The following DSCAM variants were observed in gnomAD, a reference collection of about 807,000 sequenced individuals.
DSCAM encodes the protein cell adhesion molecule DSCAM.
DSCAM carries 47 observed loss-of-function variants against 217.7 expected under a neutral mutation model. The observed-to-expected ratio is 0.22, with a 90% CI of 0.17 to 0.28. The LOEUF (loss-of-function observed/expected upper bound fraction) is 0.28. Among genes scored for constraint, DSCAM ranks in the 10% least tolerant of loss-of-function variants. The pLI, the probability that DSCAM is intolerant of heterozygous loss-of-function variation, is 1.00. For missense variants in DSCAM, 2,080 were observed against 2,618.3 expected (o/e 0.79, Z 4.49); for synonymous variants, 1,056 against 1,015.3 (o/e 1.04, Z -0.76).
At chr21:40,170,040 G>A (rs2090638675) in intron 15 of DSCAM, among the ~76,000 whole-genome samples, 1 of 152,144 alleles carries the variant, frequency 6.6e-6, no homozygotes, top group South Asian at 2.1e-4. Flanking sequence ...ACCCACCCTA[G>A]TAATTTTCTG....
At position 40,613,083 on chromosome 21, in the gene DSCAM, T is replaced by G. The variant is rs543228039; in HGVS notation, c.508+79727A>C. On this transcript the variant is annotated intron_variant, in intron 3 of 32. Transcript: ENST00000400454. ...TGTGTAGTATGTGATGACGAAAATC[T>G]CTATTGATTCAGCCTCAGAAAGAAT... Among the ~76,000 whole-genome samples the G allele has an allele frequency of 5.3e-5, 8 of 152,310 alleles. No individual in the cohort carries two copies. In the East Asian group the frequency reaches 1.5e-3, roughly 29 times the overall value.
intron 14 of DSCAM, among the ~76,000 whole-genome samples, chr21:40,183,698 G>A (rs1281139358): frequency 6.6e-6 from 1 of 152,198 alleles, no homozygotes; most frequent in Non-Finnish European, 1.5e-5. Flanking sequence ...CAAAGGCAGA[G>A]CTGTGCTCCC....
At chr21:40,170,078 C>T (rs2090639298) in intron 15 of DSCAM, among the ~76,000 whole-genome samples, 1 of 152,194 alleles carries the variant, frequency 6.6e-6, no homozygotes. Context: ...GCCGTCCTCT[C>T]CACGCTTTCG....
chr21:40,438,800 A>T (rs551727169), intron 3 of DSCAM, among the ~76,000 whole-genome samples: 2 of 152,322 alleles, frequency 1.3e-5, no homozygotes, highest in South Asian at 4.1e-4. Context: ...TGTAACATAC[A>T]TGCTGAGAGC....
At chr21:40,072,632 G>A (rs564484402) in intron 27 of DSCAM, among the ~76,000 whole-genome samples, 5 of 152,198 alleles carry the variant, frequency 3.3e-5, no homozygotes, top group South Asian at 4.2e-4. Context: ...ACAGGTGTGA[G>A]CCACCGCACC....
At chr21:40,411,419 C>A (rs914360360) in intron 3 of DSCAM, among the ~76,000 whole-genome samples, 2 of 152,050 alleles carry the variant, frequency 1.3e-5, no homozygotes, top group Admixed American at 6.6e-5. Context: ...AAGACTGAAA[C>A]CCAACATTGT....
intron 18 of DSCAM, among the ~76,000 whole-genome samples, chr21:40,141,943 C>A (rs75988415): frequency 6.7e-6 from 1 of 148,438 alleles, no homozygotes; most frequent in African/African-American, 2.5e-5. Context: ...TTGCCCTAAA[C>A]AAACAGGAAC....
intron 1 of DSCAM, among the ~76,000 whole-genome samples, chr21:40,816,894 G>GA (rs200506407): frequency 1.3e-4 from 20 of 149,060 alleles, no homozygotes; most frequent in South Asian, 4.3e-4. Flanking sequence ...ATGAGAAAAA[G>GA]AAAAAAAAAA....
At chr21:40,494,715 C>T (rs2076103774) in intron 3 of DSCAM, among the ~76,000 whole-genome samples, 1 of 149,618 alleles carries the variant, frequency 6.7e-6, no homozygotes, top group East Asian at 2.0e-4. Flanking sequence ...AAAAGGAGAA[C>T]AAACTAAGCC....
At chr21:40,842,535 T>G (rs913418946) in intron 1 of DSCAM, among the ~76,000 whole-genome samples, 3 of 152,182 alleles carry the variant, frequency 2.0e-5, no homozygotes. Flanking sequence ...CAAACATAAA[T>G]TTCCAATCTA....
intron 3 of DSCAM, among the ~76,000 whole-genome samples, chr21:40,523,304 C>T (rs1356209478): frequency 6.6e-6 from 1 of 152,120 alleles, no homozygotes; most frequent in Non-Finnish European, 1.5e-5. Context: ...CCACCCTGGC[C>T]TGCCATGCCC....
At chr21:40,143,746 G>T (rs1416061962) in intron 17 of DSCAM, among the ~76,000 whole-genome samples, 1 of 152,122 alleles carries the variant, frequency 6.6e-6, no homozygotes, top group Non-Finnish European at 1.5e-5. Flanking sequence ...AGCCAAGATC[G>T]CGCCACTGCA....
chr21:40,416,573 G>C (rs1601625829), intron 3 of DSCAM, among the ~76,000 whole-genome samples: 2 of 151,996 alleles, frequency 1.3e-5, no homozygotes, highest in Admixed American at 1.3e-4. Context: ...GACAAAGCAA[G>C]AGCAAAATGA....
At chr21:40,245,612 G>A (rs940682632) in intron 11 of DSCAM, among the ~76,000 whole-genome samples, 5 of 152,218 alleles carry the variant, frequency 3.3e-5, no homozygotes, top group Non-Finnish European at 7.3e-5. Context: ...TTTCAGGGTT[G>A]GTGCTGGCAG....
chr21:40,142,846 G>T (rs1274232880), intron 17 of DSCAM, 142 bp from the exon 18 acceptor site: 5 of 960,798 alleles, frequency 5.2e-6, no homozygotes, highest in Non-Finnish European at 7.7e-6. Context: ...AAATAACAAA[G>T]ATCACTTCCC....
Position 40,013,304 on chromosome 21 carries a change from G to C in DSCAM, c.5769C>G (p.Ser1923Arg). 2 of 1,612,472 alleles carry C rather than the reference G, an allele frequency of 1.2e-6. No individual in the cohort carries two copies. Among genetic ancestry groups the C allele is most frequent in the Non-Finnish European group, 1.7e-6 (2 of 1,179,316 alleles). Residue 1923 changes from serine to arginine, a missense_variant, in exon 33 of 33, where the codon AGC becomes AGG. Physicochemically the swap from Ser to Arg is moderately radical, Grantham distance 110. Around this residue, in one of 5 missense-constraint regions of DSCAM, gnomAD observed 145 missense variants for 138.5 expected, o/e 1.05. Coordinates refer to ENST00000400454, the MANE Select transcript of DSCAM (RefSeq NM_001389.5). ...RGGPGTSRDLSLGQACLEPQK... is the reference protein window; with the variant it reads ...RGGPGTSRDLRLGQACLEPQK... ...GAGGTTCCAAGCATGCTTGTCCTAAGCTCAGGTCCCTGCTGGTGCCTGGAC... is the reference window on the plus strand; with the variant it reads ...GAGGTTCCAAGCATGCTTGTCCTAACCTCAGGTCCCTGCTGGTGCCTGGAC...
chr21:40,324,103 C>CAAAAAAAAAAAAAAA (rs71330393), intron 8 of DSCAM, among the ~76,000 whole-genome samples: 84 of 27,962 alleles, frequency 3.0e-3, no homozygotes, highest in East Asian at 6.2e-3. Context: ...AACTCTGTCT[C>CAAAAAAAAAAAAAAA]AAAAAAAAAA....
chr21:40,559,383 G>T (rs1466152163), intron 3 of DSCAM, among the ~76,000 whole-genome samples: 1 of 151,872 alleles, frequency 6.6e-6, no homozygotes, highest in Non-Finnish European at 1.5e-5. Context: ...GCGTAAACCC[G>T]GGGGGTGGAG....
At chr21:40,673,227 C>G (rs902963689) in intron 3 of DSCAM, among the ~76,000 whole-genome samples, 1 of 152,130 alleles carries the variant, frequency 6.6e-6, no homozygotes, top group African/African-American at 2.4e-5. Flanking sequence ...CACTTCACAG[C>G]TGGCCATTTG....
Sources: allele counts gnomAD v4.1 joint callset (sites outside exome capture counted in the v4.1 genomes callset), GRCh38; gene constraint gnomAD v4.1.1; regional missense constraint gnomAD v4.1.1; transcripts MANE v1.5; gene names NCBI Gene and HGNC (gene_info 2026-07-23, HGNC 2026-07-21).